ACOXL: variants seen among roughly 807,000 people sequenced by gnomAD.
ACOXL encodes acyl-coenzyme A oxidase-like protein.
Under a neutral mutation model 71.9 loss-of-function variants are expected in ACOXL, and 70 were observed. The observed-to-expected ratio is 0.97, with a 90% CI of 0.80 to 1.19. The LOEUF (loss-of-function observed/expected upper bound fraction) is 1.19, where lower values mean the gene tolerates loss of function less well. ACOXL is among the 50% of genes most tolerant of loss of function. The probability of loss-of-function intolerance (pLI) is 0.00; values close to 1 mark genes in which losing one functional copy is unlikely to be tolerated. For synonymous variants in ACOXL, 253 were observed against 281.6 expected (o/e 0.90, Z 1.02); for missense variants, 703 against 736.3 (o/e 0.95, Z 0.52).
intron 12 of ACOXL, among the ~76,000 whole-genome samples, chr2:110,974,560 C>T (rs755005053): frequency 6.6e-6 from 1 of 152,178 alleles, no homozygotes; most frequent in Non-Finnish European, 1.5e-5. Context: ...CTTCCTAATC[C>T]ATTATGGCAG....
intron 14 of ACOXL, among the ~76,000 whole-genome samples, chr2:111,020,057 A>G (rs1178242745): frequency 2.0e-5 from 3 of 152,078 alleles, no homozygotes; most frequent in Non-Finnish European, 4.4e-5. Flanking sequence ...ATGGGGTTTC[A>G]CCCTGTTGGC....
At chr2:111,032,771 A>G (rs1247461873) in intron 15 of ACOXL, among the ~76,000 whole-genome samples, 1 of 151,832 alleles carries the variant, frequency 6.6e-6, no homozygotes, top group Admixed American at 6.6e-5. Flanking sequence ...GTCCAACACA[A>G]CCTCCCAGCC....
chr2:111,010,071 C>T (rs1330937251), intron 14 of ACOXL, among the ~76,000 whole-genome samples: 2 of 152,076 alleles, frequency 1.3e-5, no homozygotes, highest in Non-Finnish European at 2.9e-5. Flanking sequence ...TAAATATTAT[C>T]AGGCATGGGA....
intron 1 of ACOXL, among the ~76,000 whole-genome samples, chr2:110,760,326 A>C (rs534702829): frequency 6.6e-6 from 1 of 151,750 alleles, no homozygotes; most frequent in Non-Finnish European, 1.5e-5. Flanking sequence ...TTGCATTTTT[A>C]GTAGAAACGG....
At chr2:110,797,677 GA>G (rs764199228) in intron 5 of ACOXL, among the ~76,000 whole-genome samples, 4 of 152,188 alleles carry the variant, frequency 2.6e-5, no homozygotes, top group Non-Finnish European at 5.9e-5. Context: ...GATTTGCCCA[GA>G]AGGAGTGAAC....
At chr2:111,001,197 T>C (rs2128813) in intron 14 of ACOXL, among the ~76,000 whole-genome samples, 136,737 of 152,246 alleles carry the variant, frequency 0.9, 61,659 homozygotes, top group African/African-American at 0.97. Flanking sequence ...CCCCAAGGGC[T>C]TATGTCAAAG....
chr2:111,084,909 A>C (rs575775203), intron 16 of ACOXL, among the ~76,000 whole-genome samples: 1 of 152,130 alleles, frequency 6.6e-6, no homozygotes, highest in Admixed American at 6.6e-5. Context: ...GAAAAAAAAA[A>C]AAAAAAGCAG....
chr2:110,877,902 C>T (rs544162213), intron 10 of ACOXL, among the ~76,000 whole-genome samples: 3 of 152,330 alleles, frequency 2.0e-5, no homozygotes, highest in Admixed American at 1.3e-4. Context: ...ATCCCGCAGC[C>T]GTGCAGCAAT....
In ACOXL at chr2:110,784,505, A is replaced by G. The variant is rs572559197; in HGVS notation, c.76-227A>G. 2.6e-5 allele frequency among the ~76,000 whole-genome samples: 4 copies of G among 152,330 alleles called. No individual in the cohort carries two copies. In the South Asian group the frequency reaches 6.2e-4, roughly 24 times the overall value. On this transcript the variant is annotated intron_variant, in intron 2 of 17. Transcript: ENST00000439055. ...ATGCGGATGCAGTTGACTATTGTAT[A>G]AGAAGAGTCTTTAACACTAACAAGG...
chr2:110,918,695 A>G (rs1444458221), intron 11 of ACOXL, among the ~76,000 whole-genome samples: 5 of 152,252 alleles, frequency 3.3e-5, no homozygotes, highest in African/African-American at 7.2e-5. Flanking sequence ...GAACTTAAAC[A>G]AATTTAGAAG....
rs536992516 is a variant in ACOXL at position 110,941,682 on chromosome 2, AG to A, written c.1059+8043del. Among the ~76,000 whole-genome samples the A allele has an allele frequency of 6.9e-3, 1,045 of 152,330 alleles. 12 individuals are homozygous for A. Among genetic ancestry groups the A allele is most frequent in the Non-Finnish European group, 7.7e-3 (523 of 68,028 alleles). ...AGAATGGCATCTTTAAAGTACTAAA[AG>A]GGAAGAAAATCAATCTAAAATTCTA... On this transcript the variant is annotated intron_variant, in intron 12 of 17. Coordinates refer to ENST00000439055, the MANE Select transcript of ACOXL (RefSeq NM_001142807.4).
intron 11 of ACOXL, among the ~76,000 whole-genome samples, chr2:110,915,365 TG>T (rs1434987358): frequency 2.9e-5 from 4 of 139,364 alleles, no homozygotes; most frequent in African/African-American, 1.1e-4. Flanking sequence ...TGTGTGTGTG[TG>T]TGTGTGTGTG....
intron 10 of ACOXL, chr2:110,886,683 C>G (rs1697339665): frequency 1.4e-6 from 2 of 1,474,670 alleles, no homozygotes; most frequent in East Asian, 2.5e-5. Flanking sequence ...CTGTCCCTCC[C>G]CTATCCTTCT....
At chr2:110,929,962 C>T (rs1304216858) in intron 11 of ACOXL, among the ~76,000 whole-genome samples, 2 of 152,182 alleles carry the variant, frequency 1.3e-5, no homozygotes, top group Non-Finnish European at 2.9e-5. Context: ...AGGGGCGGGG[C>T]CCTCATGGAG....
intron 12 of ACOXL, among the ~76,000 whole-genome samples, chr2:110,971,302 A>C (rs975072748): frequency 2.0e-5 from 3 of 152,254 alleles, no homozygotes; most frequent in African/African-American, 7.2e-5. Context: ...GGCTAAAATG[A>C]ATATTAATAA....
At chr2:110,895,979 A>G (rs996555306) in intron 10 of ACOXL, among the ~76,000 whole-genome samples, 12 of 152,142 alleles carry the variant, frequency 7.9e-5, no homozygotes, top group South Asian at 2.1e-4. Flanking sequence ...CACAAATACA[A>G]TAGACTTTCC....
At chr2:110,963,781 T>A in intron 12 of ACOXL, 1 of 1,583,138 alleles carries the variant, frequency 6.3e-7, no homozygotes, top group South Asian at 1.1e-5. Context: ...ATATATTTTA[T>A]CTTTATCTGA....
intron 14 of ACOXL, among the ~76,000 whole-genome samples, chr2:111,015,873 G>C (rs1341510190): frequency 6.6e-6 from 1 of 152,176 alleles, no homozygotes; most frequent in Non-Finnish European, 1.5e-5. Flanking sequence ...ACACAGAATA[G>C]TTAATACTGT....
chr2:110,915,647 C>CA (rs2059832357), intron 11 of ACOXL, among the ~76,000 whole-genome samples: 1 of 151,526 alleles, frequency 6.6e-6, no homozygotes, highest in Admixed American at 6.6e-5. Context: ...AGGCTGGTCT[C>CA]AAACTCCTGA....
Sources: gnomAD v4.1 joint callset for allele counts (sites outside exome capture counted in the v4.1 genomes callset) on GRCh38, gnomAD v4.1.1 for gene constraint, MANE v1.5 for transcripts, NCBI Gene and HGNC (gene_info 2026-07-23, HGNC 2026-07-21) for gene names.